Variants in TENM1 observed in about 807,000 individuals in gnomAD.
TENM1 encodes the protein teneurin-1.
TENM1 carries 35 observed loss-of-function variants against 174.8 expected under a neutral mutation model. That is an observed-to-expected ratio of 0.20 (90% CI 0.15 to 0.27). The LOEUF (loss-of-function observed/expected upper bound fraction) is 0.27. TENM1 is among the 10% of genes least tolerant of loss of function. TENM1 has a pLI of 1.00. For synonymous variants in TENM1, 781 were observed against 798.7 expected, an observed-to-expected ratio of 0.98 and a Z score of 0.37; for missense variants, 1,633 against 2,130.1, an observed-to-expected ratio of 0.77 and a Z score of 4.59.
intron 3 of TENM1, among the ~76,000 whole-genome samples, chrX:124,867,670 AC>A (rs778350340): frequency 2.8e-3 from 312 of 112,053 alleles, no homozygotes; most frequent in Non-Finnish European, 4.6e-3. Context: ...TATAAAGGAC[AC>A]CTAAATTGGA....
intron 15 of TENM1, among the ~76,000 whole-genome samples, chrX:124,544,434 T>C (rs948305432): frequency 8.9e-6 from 1 of 112,269 alleles, no homozygotes; most frequent in African/African-American, 3.2e-5. Context: ...ACCTACCATA[T>C]AGAGTTTTTG....
intron 22 of TENM1, among the ~76,000 whole-genome samples, chrX:124,467,680 C>T (rs1267763079): frequency 5.4e-5 from 6 of 111,897 alleles, no homozygotes; most frequent in Non-Finnish European, 9.4e-5. Flanking sequence ...TAAAACAAAA[C>T]AAAACAAAAC....
intron 19 of TENM1, among the ~76,000 whole-genome samples, chrX:124,503,321 G>A (rs765352954): frequency 9.0e-6 from 1 of 111,064 alleles, no homozygotes; most frequent in Admixed American, 9.6e-5. Flanking sequence ...CATTTAAATC[G>A]CAAACAAGGA....
At chrX:124,393,736 G>A (rs1483102954) in intron 27 of TENM1, among the ~76,000 whole-genome samples, 7 of 111,310 alleles carry the variant, frequency 6.3e-5, no homozygotes, top group Non-Finnish European at 1.9e-5. Flanking sequence ...CTTCTGATTT[G>A]GGTGGAGAGA....
chrX:125,196,414 T>A, the TENM1 span, among the ~76,000 whole-genome samples: 1 of 111,657 alleles, frequency 9.0e-6, no homozygotes, highest in Non-Finnish European at 1.9e-5. Context: ...TTAAAAAGTG[T>A]CAGCCCCACA....
intron 20 of TENM1, among the ~76,000 whole-genome samples, chrX:124,493,280 G>A (rs1396869051): frequency 8.9e-6 from 1 of 111,869 alleles, no homozygotes; most frequent in Non-Finnish European, 1.9e-5. Context: ...ATGCAAATTT[G>A]TAAACTGTTA....
chrX:124,568,742 C>T (rs1208364935), intron 11 of TENM1, among the ~76,000 whole-genome samples: 1 of 111,092 alleles, frequency 9.0e-6, no homozygotes, highest in African/African-American at 3.3e-5. Flanking sequence ...GTGCCAAGTT[C>T]CAGAAGAAAA....
chrX:124,380,939 C>A (rs369053298), exon 32 of TENM1: 1 of 1,211,569 alleles, frequency 8.3e-7, no homozygotes, highest in East Asian at 3.0e-5. Flanking sequence ...CCGCCTCCCC[C>A]CAGTGTTACC....
intron 3 of TENM1, among the ~76,000 whole-genome samples, chrX:124,866,605 A>G (rs1272976857): frequency 2.7e-5 from 3 of 111,545 alleles, no homozygotes; most frequent in Non-Finnish European, 5.7e-5. Flanking sequence ...AGGAATTAGA[A>G]AAGCAAGAGC....
chrX:124,546,316 T>C (rs773705126), intron 15 of TENM1, among the ~76,000 whole-genome samples: 3 of 111,834 alleles, frequency 2.7e-5, no homozygotes, highest in Non-Finnish European at 3.8e-5. Flanking sequence ...AGAATAACAG[T>C]GAGCAAATTC....
chrX:124,529,432 G>C (rs760216154), intron 16 of TENM1, among the ~76,000 whole-genome samples: 6 of 111,634 alleles, frequency 5.4e-5, no homozygotes, highest in Non-Finnish European at 1.1e-4. Context: ...GGCAGCCTAG[G>C]GAGGACACAT....
rs776391464 is a variant in TENM1 at position 124,406,291 on chromosome X, T to G, written c.5155+26A>C. 4 of 1,169,715 alleles carry G rather than the reference T, an allele frequency of 3.4e-6. No homozygotes were observed. In the South Asian group the frequency reaches 5.6e-5, roughly 16 times the overall value. On this transcript the variant is annotated intron_variant, in intron 26 of 31. Transcript: ENST00000422452. ...GATGTTGACATAGGGGCTGTTACAG[T>G]CAGATATCGTTGGAAACAATCTTAC...
chrX:124,579,057 T>C (rs147492251), intron 11 of TENM1, among the ~76,000 whole-genome samples: 1,242 of 112,094 alleles, frequency 0.011, 22 homozygotes, highest in African/African-American at 0.038. Flanking sequence ...AAGATAGCTA[T>C]TTAATCTCAA....
chrX:124,686,517 C>T (rs1317248446), intron 5 of TENM1, among the ~76,000 whole-genome samples: 2 of 111,730 alleles, frequency 1.8e-5, no homozygotes, highest in Non-Finnish European at 1.9e-5. Context: ...TGCAAAAATC[C>T]TCAATAAAAT....
intron 23 of TENM1, among the ~76,000 whole-genome samples, chrX:124,434,674 C>T (rs959075590): frequency 3.6e-5 from 4 of 112,573 alleles, no homozygotes; most frequent in African/African-American, 9.7e-5. Context: ...TTTCAATTTA[C>T]AGTCAAAGTC....
chrX:125,087,138 T>C, the TENM1 span, among the ~76,000 whole-genome samples: 1 of 110,801 alleles, frequency 9.0e-6, no homozygotes, highest in African/African-American at 3.3e-5. Flanking sequence ...TTTGTATAGA[T>C]AGGCAGGATA....
At chrX:124,929,453 C>G (rs1434194781) in intron 1 of TENM1, among the ~76,000 whole-genome samples, 1 of 112,038 alleles carries the variant, frequency 8.9e-6, no homozygotes, top group African/African-American at 3.2e-5. Context: ...TGGGCCTATA[C>G]ACACTGTCAG....
chrX:125,097,361 A>G, the TENM1 span, among the ~76,000 whole-genome samples: 1 of 112,132 alleles, frequency 8.9e-6, no homozygotes, highest in Non-Finnish European at 1.9e-5. Flanking sequence ...AGATTCATTA[A>G]CTATATTGTC....
chrX:125,128,648 C>A, the TENM1 span, among the ~76,000 whole-genome samples: 1 of 111,432 alleles, frequency 9.0e-6, no homozygotes, highest in African/African-American at 3.3e-5. Flanking sequence ...TTCTAGAACT[C>A]AGAGGAGGCC....
Sources: allele counts gnomAD v4.1 joint callset (sites outside exome capture counted in the v4.1 genomes callset), GRCh38; gene constraint gnomAD v4.1.1; transcripts MANE v1.5; gene names NCBI Gene and HGNC (gene_info 2026-07-23, HGNC 2026-07-21).